The following RALGPS1 variants were observed in gnomAD, a reference collection of about 807,000 sequenced individuals.
The protein encoded by RALGPS1 is Ral GEF with PH domain and SH3 binding motif 1, also known as ras-specific guanine nucleotide-releasing factor RalGPS1.
A neutral mutation model predicts 78.8 loss-of-function variants in RALGPS1; 19 were observed. The observed-to-expected ratio is 0.24, with a 90% CI of 0.17 to 0.35. RALGPS1 has a LOEUF of 0.35. RALGPS1 is among the 10% of genes least tolerant of loss of function. The probability of loss-of-function intolerance (pLI) is 1.00; values close to 1 mark genes in which losing one functional copy is unlikely to be tolerated. For synonymous variants in RALGPS1, 228 were observed against 256.3 expected, an observed-to-expected ratio of 0.89 and a Z score of 1.06; for missense variants, 454 against 688.3, an observed-to-expected ratio of 0.66 and a Z score of 3.81.
rs2062477130 is a variant in RALGPS1 at position 127,214,724 on chromosome 9, T to G, written c.1553-27T>G. On this transcript the variant is annotated intron_variant, in intron 17 of 18. Transcript: ENST00000259351. The stretch of plus-strand genomic sequence containing the variant: ...CTGACCCTCCTACGTGGCCCTCTTC[T>G]TAACTCATGGTTTCTCTACCCATCA... 3.1e-6 allele frequency: 5 copies of G among 1,595,202 alleles called. No individual in the cohort carries two copies. The East Asian group carries it at 1.1e-4, about 37-fold the overall frequency.
At chr9:127,200,022 G>A (rs1043523987) in intron 14 of RALGPS1, among the ~76,000 whole-genome samples, 7 of 152,070 alleles carry the variant, frequency 4.6e-5, no homozygotes, top group African/African-American at 7.2e-5. Context: ...ACAGGCACAC[G>A]CTCACACATG....
chr9:126,941,907 ACT>A (rs1415087732), intron 1 of RALGPS1, among the ~76,000 whole-genome samples: 1 of 151,934 alleles, frequency 6.6e-6, no homozygotes, highest in Non-Finnish European at 1.5e-5. Flanking sequence ...TGGAACATAT[ACT>A]CTCTGGTTAT....
At chr9:126,931,522 C>A (rs563950077) in intron 1 of RALGPS1, among the ~76,000 whole-genome samples, 3 of 152,272 alleles carry the variant, frequency 2.0e-5, no homozygotes, top group African/African-American at 7.2e-5. Context: ...ACACAAAAGT[C>A]CACATACCGT....
At chr9:127,136,793 C>T (rs10819269) in intron 8 of RALGPS1, among the ~76,000 whole-genome samples, 26,666 of 152,036 alleles carry the variant, frequency 0.18, 3,135 homozygotes, top group East Asian at 0.45. Flanking sequence ...GATTAAGGGT[C>T]AGGGACTAGA....
intron 14 of RALGPS1, among the ~76,000 whole-genome samples, chr9:127,209,172 G>A (rs761829065): frequency 6.9e-4 from 105 of 152,224 alleles, no homozygotes; most frequent in Non-Finnish European, 1.3e-3. Flanking sequence ...AGAAATCCCC[G>A]GTGATTCTCA....
intron 4 of RALGPS1, chr9:126,990,301 T>C (rs2042169946): frequency 3.3e-6 from 1 of 302,344 alleles, no homozygotes; most frequent in Non-Finnish European, 6.1e-6. Context: ...CTCCCCTGAA[T>C]GATGGCAGCA....
At chr9:127,092,492 T>A (rs1320885346) in intron 8 of RALGPS1, among the ~76,000 whole-genome samples, 1 of 152,160 alleles carries the variant, frequency 6.6e-6, no homozygotes, top group Non-Finnish European at 1.5e-5. Context: ...GCAGCTGAGT[T>A]ACGGCCACTA....
chr9:126,933,855 A>G (rs1427870655), intron 1 of RALGPS1, among the ~76,000 whole-genome samples: 4 of 151,194 alleles, frequency 2.6e-5, no homozygotes, highest in Non-Finnish European at 1.5e-5. Flanking sequence ...TTGCCTTTAT[A>G]CTCTTTTTCA....
intron 13 of RALGPS1, among the ~76,000 whole-genome samples, 194 bp downstream of exon 13, chr9:127,196,825 T>C (rs1221152169): frequency 6.6e-6 from 1 of 152,204 alleles, no homozygotes; most frequent in Non-Finnish European, 1.5e-5. Context: ...TCTCCTAGCC[T>C]CGTGGGCTTC....
At chr9:127,192,127 T>C (rs2061098439) in intron 11 of RALGPS1, among the ~76,000 whole-genome samples, 1 of 152,200 alleles carries the variant, frequency 6.6e-6, no homozygotes. Flanking sequence ...GAAGCTGTGC[T>C]TGGGTTAGAT....
intron 6 of RALGPS1, among the ~76,000 whole-genome samples, chr9:127,052,636 C>A (rs530024458): frequency 6.6e-6 from 1 of 152,212 alleles, no homozygotes; most frequent in Non-Finnish European, 1.5e-5. Flanking sequence ...CCAGACTAGT[C>A]AGACTCACGT....
At chr9:127,192,541 T>C (rs1477271980) in intron 11 of RALGPS1, among the ~76,000 whole-genome samples, 1 of 152,114 alleles carries the variant, frequency 6.6e-6, no homozygotes, top group Non-Finnish European at 1.5e-5. Context: ...TCCCAGCTAC[T>C]CAGGAGGCTG....
At chr9:127,111,689 C>T (rs751297127) in intron 8 of RALGPS1, among the ~76,000 whole-genome samples, 2 of 152,164 alleles carry the variant, frequency 1.3e-5, no homozygotes, top group Non-Finnish European at 2.9e-5. Flanking sequence ...TCCAGTTTCC[C>T]GTGTTCTCAT....
At chr9:127,140,339 A>C (rs993983043) in intron 8 of RALGPS1, among the ~76,000 whole-genome samples, 2 of 152,166 alleles carry the variant, frequency 1.3e-5, no homozygotes, top group Admixed American at 1.3e-4. Context: ...ACTTGTGTAA[A>C]ATGATAGCTC....
At chr9:127,052,024 A>G (rs1226359417) in intron 6 of RALGPS1, among the ~76,000 whole-genome samples, 1 of 152,188 alleles carries the variant, frequency 6.6e-6, no homozygotes, top group Non-Finnish European at 1.5e-5. Flanking sequence ...GGCAGTTGAT[A>G]TGTACTGTCT....
At chr9:127,019,445 A>G (rs2045231553) in intron 4 of RALGPS1, among the ~76,000 whole-genome samples, 1 of 151,814 alleles carries the variant, frequency 6.6e-6, no homozygotes, top group Non-Finnish European at 1.5e-5. Flanking sequence ...CTCCTTCCTC[A>G]GCCTCCCGAG....
chr9:126,935,149 G>T (rs1274418875), intron 1 of RALGPS1, among the ~76,000 whole-genome samples: 1 of 152,180 alleles, frequency 6.6e-6, no homozygotes, highest in African/African-American at 2.4e-5. Flanking sequence ...TCATGACACT[G>T]TGGCCCTGGC....
chr9:127,090,180 C>T (rs897241297), intron 8 of RALGPS1, among the ~76,000 whole-genome samples: 1 of 152,214 alleles, frequency 6.6e-6, no homozygotes. Flanking sequence ...AACCAGCCTC[C>T]TCTTTGCCAG....
At chr9:127,135,622 G>A (rs2057338405) in intron 8 of RALGPS1, among the ~76,000 whole-genome samples, 1 of 152,222 alleles carries the variant, frequency 6.6e-6, no homozygotes, top group South Asian at 2.1e-4. Context: ...CCAGACTAGG[G>A]GCCCTCCCCA....
Sources: allele counts gnomAD v4.1 joint callset (sites outside exome capture counted in the v4.1 genomes callset), GRCh38; gene constraint gnomAD v4.1.1; transcripts MANE v1.5; gene names NCBI Gene and HGNC (gene_info 2026-07-23, HGNC 2026-07-21).